Variants in CA10 observed in about 807,000 individuals in gnomAD.
CA10 encodes carbonic anhydrase-related protein 10.
Under a neutral mutation model 44.2 loss-of-function variants are expected in CA10, and 14 were observed. The observed-to-expected ratio is 0.32, with a 90% CI of 0.21 to 0.50. The LOEUF is 0.50. Ranked by LOEUF, CA10 falls within the 20% of genes least tolerant of loss-of-function variation. CA10 has a pLI of 0.99. For synonymous variants in CA10, 159 were observed against 141.6 expected (o/e 1.12, Z -0.87); for missense variants, 350 against 409.7 (o/e 0.85, Z 1.26).
intron 2 of CA10, among the ~76,000 whole-genome samples, chr17:52,012,621 G>A (rs1985835145): frequency 2.6e-5 from 4 of 152,066 alleles, no homozygotes; most frequent in South Asian, 2.1e-4. Flanking sequence ...TGTTCAGTAC[G>A]TTCAGTGATT....
At chr17:51,915,859 T>C (rs1407198675) in intron 3 of CA10, among the ~76,000 whole-genome samples, 2 of 152,082 alleles carry the variant, frequency 1.3e-5, no homozygotes, top group Non-Finnish European at 2.9e-5. Context: ...AGTTGTCATA[T>C]ATTACACTCT....
chr17:51,842,251 T>TA (rs2143806766), intron 3 of CA10, among the ~76,000 whole-genome samples: 1 of 152,266 alleles, frequency 6.6e-6, no homozygotes, highest in African/African-American at 2.4e-5. Flanking sequence ...TTATTTTTTT[T>TA]AAAGAGAAAA....
chr17:51,743,170 A>G (rs920532673), intron 4 of CA10, among the ~76,000 whole-genome samples: 12 of 152,204 alleles, frequency 7.9e-5, no homozygotes, highest in African/African-American at 2.4e-4. Context: ...GCCCCCTTGA[A>G]AAGAAGAACT....
chr17:51,811,016 C>A (rs941967579), intron 3 of CA10, among the ~76,000 whole-genome samples: 1 of 151,996 alleles, frequency 6.6e-6, no homozygotes, highest in Non-Finnish European at 1.5e-5. Context: ...GCCAACATGG[C>A]GAAACCACGT....
At chr17:51,979,856 T>C (rs1444330454) in intron 2 of CA10, among the ~76,000 whole-genome samples, 1 of 152,182 alleles carries the variant, frequency 6.6e-6, no homozygotes, top group Admixed American at 6.6e-5. Flanking sequence ...GACACGGTCC[T>C]GTTTTTTAAG....
In CA10 at chr17:52,157,905, TCC is replaced by T; in HGVS notation, c.-121_-120del. The T allele has an allele frequency of 2.5e-6, 2 of 807,030 alleles. No homozygotes were observed. The highest frequency in any genetic ancestry group is 1.8e-5 in the Admixed American group (1 of 55,432). The allele number at this position is 807,030 out of a possible 1,614,324, so 50.0% of individuals were successfully genotyped here. ...CTTCCGAGCGAGTGCACACTCGCAC[TCC>T]CACCCGACAGCCGGCCAGGGACAGT... On this transcript the variant is annotated 5_prime_UTR_variant, in exon 1 of 9. Coordinates refer to ENST00000451037, the MANE Select transcript of CA10 (RefSeq NM_020178.5).
At chr17:52,070,171 G>T (rs1186448324) in intron 2 of CA10, among the ~76,000 whole-genome samples, 11 of 152,136 alleles carry the variant, frequency 7.2e-5, no homozygotes. Flanking sequence ...CTACCAGAAA[G>T]ACAAAAGGCT....
chr17:51,700,392 C>A (rs1377511325), intron 4 of CA10, among the ~76,000 whole-genome samples: 1 of 152,162 alleles, frequency 6.6e-6, no homozygotes. Context: ...GCTGACAAGA[C>A]CCCTGGGTTT....
chr17:51,886,061 T>C (rs1260791650), intron 3 of CA10, among the ~76,000 whole-genome samples: 1 of 152,162 alleles, frequency 6.6e-6, no homozygotes, highest in African/African-American at 2.4e-5. Context: ...GAACACAAAA[T>C]AGACTACTCA....
intron 3 of CA10, among the ~76,000 whole-genome samples, chr17:51,799,754 T>A (rs1039314871): frequency 1.3e-5 from 2 of 152,108 alleles, no homozygotes; most frequent in Non-Finnish European, 2.9e-5. Flanking sequence ...CATAGGCACA[T>A]AAAAAGAATG....
intron 2 of CA10, among the ~76,000 whole-genome samples, chr17:52,064,840 A>G (rs1323176715): frequency 1.3e-5 from 2 of 152,222 alleles, no homozygotes; most frequent in African/African-American, 4.8e-5. Context: ...GAGTTCCTCT[A>G]TTAATCATTC....
At chr17:51,817,913 G>C (rs1907626805) in intron 3 of CA10, among the ~76,000 whole-genome samples, 1 of 152,232 alleles carries the variant, frequency 6.6e-6, no homozygotes, top group Non-Finnish European at 1.5e-5. Context: ...TAATTAGTAA[G>C]TGGCAGAGCT....
At chr17:52,025,310 A>G (rs1176651059) in intron 2 of CA10, among the ~76,000 whole-genome samples, 1 of 152,070 alleles carries the variant, frequency 6.6e-6, no homozygotes, top group Non-Finnish European at 1.5e-5. Context: ...GTTCTACTCC[A>G]CTTTCCCTCA....
intron 1 of CA10, among the ~76,000 whole-genome samples, chr17:52,131,204 T>C (rs1310054828): frequency 2.0e-4 from 31 of 152,182 alleles, no homozygotes; most frequent in Admixed American, 2.0e-3. Context: ...TATATTTGAG[T>C]GTTCTGTCTC....
At chr17:51,839,342 A>T (rs1180000829) in intron 3 of CA10, among the ~76,000 whole-genome samples, 5 of 151,762 alleles carry the variant, frequency 3.3e-5, no homozygotes, top group Non-Finnish European at 7.4e-5. Flanking sequence ...AATACAAAAA[A>T]ATTAGCCGGG....
intron 1 of CA10, among the ~76,000 whole-genome samples, chr17:52,156,990 C>T (rs1431915869): frequency 1.3e-5 from 2 of 152,188 alleles, no homozygotes; most frequent in East Asian, 1.9e-4. Context: ...TGTCCACAAG[C>T]CCAACCTCTT....
chr17:51,735,082 C>T (rs1215158269), intron 4 of CA10, among the ~76,000 whole-genome samples: 1 of 152,178 alleles, frequency 6.6e-6, no homozygotes, highest in Non-Finnish European at 1.5e-5. Context: ...CAGGAACCAA[C>T]TCACAACTGC....
chr17:51,718,766 A>G (rs529231688), intron 4 of CA10, among the ~76,000 whole-genome samples: 1 of 152,296 alleles, frequency 6.6e-6, no homozygotes, highest in African/African-American at 2.4e-5. Flanking sequence ...TGAATTGAAT[A>G]AGAGAATACC....
chr17:51,693,556 A>G (rs187252728), intron 4 of CA10, among the ~76,000 whole-genome samples: 2 of 152,090 alleles, frequency 1.3e-5, no homozygotes, highest in East Asian at 1.9e-4. Flanking sequence ...TGAGTACCCA[A>G]TGTTTACCTC....
Sources: gnomAD v4.1 joint callset for allele counts (sites outside exome capture counted in the v4.1 genomes callset) on GRCh38, gnomAD v4.1.1 for gene constraint, MANE v1.5 for transcripts, NCBI Gene and HGNC (gene_info 2026-07-23, HGNC 2026-07-21) for gene names.